The following UNKL variants were observed in gnomAD, a reference collection of about 807,000 sequenced individuals.
UNKL encodes the protein unk like zinc finger.
In UNKL, 60 loss-of-function variants were observed where a neutral mutation model predicts 78.0. The ratio of observed to expected loss-of-function variants is 0.77; its 90% confidence interval spans 0.63 to 0.95. UNKL has a LOEUF of 0.95. Ranked by LOEUF, UNKL falls within the 40% of genes least tolerant of loss-of-function variation. The pLI, the probability that UNKL is intolerant of heterozygous loss-of-function variation, is 0.00. For synonymous variants in UNKL, 608 were observed against 474.8 expected (o/e 1.28, Z -3.65); for missense variants, 1,159 against 1,045.7 (o/e 1.11, Z -1.49).
intron 10 of UNKL, among the ~76,000 whole-genome samples, chr16:1,380,520 T>C (rs997962438): frequency 4.6e-5 from 7 of 151,440 alleles, no homozygotes; most frequent in African/African-American, 1.7e-4. Context: ...GTCTCAGACA[T>C]GGACAGAGGA....
At chr16:1,368,251 G>T in intron 12 of UNKL, 1 of 244,480 alleles carries the variant, frequency 4.1e-6, no homozygotes, top group South Asian at 7.4e-5. Flanking sequence ...TGTCCATGTG[G>T]TGACTGCCAA....
At position 1,391,279 on chromosome 16, in the gene UNKL, C is replaced by T. The variant is rs1009448219; in HGVS notation, c.1024-585G>A. On this transcript the variant is annotated intron_variant, in intron 8 of 14. Transcript: ENST00000389221. The stretch of plus-strand genomic sequence containing the variant: ...ACACACACACACACACACACACACA[C>T]ACACATAAGCTCTGCTCAGAATTTA... Among the ~76,000 whole-genome samples, 4 of 118,684 alleles carry T rather than the reference C, an allele frequency of 3.4e-5. No homozygotes were observed. The East Asian group carries it at 8.2e-4, about 24-fold the overall frequency. 77.9% of individuals were successfully genotyped at this position (118,684 alleles called of 152,430 possible).
At chr16:1,394,447 C>T (rs937728276) in intron 6 of UNKL, 3 of 683,398 alleles carry the variant, frequency 4.4e-6, no homozygotes, top group Admixed American at 4.1e-5. Context: ...ATTCCCGCAG[C>T]ATCTGCCCTC....
intron 10 of UNKL, chr16:1,378,960 G>C (rs1252837115): frequency 6.6e-6 from 1 of 152,320 alleles, no homozygotes; most frequent in African/African-American, 2.4e-5. Context: ...CATTCTCAAA[G>C]AAAGAGCTGA....
chr16:1,369,290 G>A (rs1373339702), intron 12 of UNKL, among the ~76,000 whole-genome samples: 3 of 150,706 alleles, frequency 2.0e-5, no homozygotes, highest in Non-Finnish European at 3.0e-5. Flanking sequence ...GGATGGTCTC[G>A]ATATCCTGAC....
Position 1,363,307 on chromosome 16 carries a change from GTT to G in UNKL, c.*2931_*2932del. On this transcript the variant is annotated 3_prime_UTR_variant, in exon 15 of 15. Transcript: ENST00000389221. The stretch of plus-strand genomic sequence containing the variant: ...ATAGTGTAAAAAAATTTAAACAAGT[GTT>G]AACTTTAAACAGTTCGCTACAAGTA... 1.7e-6 allele frequency: 1 copy of G among 575,746 alleles called. No homozygotes were observed. Among genetic ancestry groups the G allele is most frequent in the South Asian group, 1.9e-5 (1 of 51,638 alleles). 35.7% of individuals were successfully genotyped at this position (575,746 alleles called of 1,614,324 possible).
intron 4 of UNKL, 45 bp downstream of exon 4, chr16:1,401,523 G>GGGGGGGC: frequency 3.4e-6 from 5 of 1,470,238 alleles, no homozygotes; most frequent in Non-Finnish European, 4.5e-6. Context: ...CTCGCGCTGT[G>GGGGGGGC]CCCGCCCCCC....
At chr16:1,414,142 G>A in intron 1 of UNKL, 87 bp from the exon 2 acceptor site, 1 of 1,355,486 alleles carries the variant, frequency 7.4e-7, no homozygotes, top group South Asian at 1.4e-5. Context: ...CCGGCCTCAG[G>A]AGCCTCAACC....
intron 10 of UNKL, chr16:1,383,502 G>A (rs907749796): frequency 2.0e-5 from 5 of 254,406 alleles, no homozygotes; most frequent in Non-Finnish European, 4.3e-5. Flanking sequence ...AGCTGCACCT[G>A]GCTTTCCTCG....
intron 9 of UNKL, 85 bp downstream of exon 9, chr16:1,390,547 A>T: frequency 7.0e-7 from 1 of 1,437,658 alleles, no homozygotes; most frequent in Non-Finnish European, 9.4e-7. Flanking sequence ...CCCTAACGCG[A>T]TGCCACGGGT....
chr16:1,398,679 G>GCTGGCC, intron 5 of UNKL: 3 of 1,356,204 alleles, frequency 2.2e-6, no homozygotes, highest in Non-Finnish European at 2.9e-6. Context: ...TGTGGGGTCT[G>GCTGGCC]CACCCCCCCA....
At chr16:1,377,010 T>A (rs2036284439) in intron 10 of UNKL, among the ~76,000 whole-genome samples, 1 of 151,892 alleles carries the variant, frequency 6.6e-6, no homozygotes, top group Admixed American at 6.6e-5. Flanking sequence ...TTCAGGTGCA[T>A]CTTCCCCCGC....
chr16:1,413,338 G>A (rs1285704309), intron 2 of UNKL, among the ~76,000 whole-genome samples: 2 of 151,648 alleles, frequency 1.3e-5, no homozygotes, highest in Non-Finnish European at 2.9e-5. Flanking sequence ...GGAGGCCGAG[G>A]TGGGTGGATC....
At chr16:1,407,550 G>C (rs2037822786) in intron 2 of UNKL, among the ~76,000 whole-genome samples, 2 of 151,922 alleles carry the variant, frequency 1.3e-5, no homozygotes, top group South Asian at 4.2e-4. Flanking sequence ...CAAAAATTCA[G>C]CTGGGCGTGG....
intron 9 of UNKL, among the ~76,000 whole-genome samples, chr16:1,389,325 C>T (rs1050553816): frequency 1.3e-5 from 2 of 152,164 alleles, no homozygotes; most frequent in African/African-American, 2.4e-5. Context: ...GAGGCTCACA[C>T]CTGTAATCCC....
chr16:1,379,532 C>G, intron 10 of UNKL: 2 of 985,140 alleles, frequency 2.0e-6, no homozygotes, highest in Non-Finnish European at 2.4e-6. Context: ...GGGGGACGCA[C>G]CTGGCGGGGG....
At chr16:1,405,571 C>T (rs563598664) in intron 2 of UNKL, among the ~76,000 whole-genome samples, 52 of 149,912 alleles carry the variant, frequency 3.5e-4, no homozygotes, top group Non-Finnish European at 6.1e-4. Flanking sequence ...GGCAAAACTC[C>T]ATCTCAAAAA....
At chr16:1,401,527 G>GGCCC in intron 4 of UNKL, 41 bp downstream of exon 4, 2 of 1,404,756 alleles carry the variant, frequency 1.4e-6, no homozygotes, top group Non-Finnish European at 1.9e-6. Flanking sequence ...CGCTGTGCCC[G>GGCCC]CCCCCCCCAC....
chr16:1,379,148 G>A (rs1432142718), intron 10 of UNKL: 1 of 152,286 alleles, frequency 6.6e-6, no homozygotes, highest in Admixed American at 6.5e-5. Context: ...CCCGGGGTCA[G>A]GGACACGCGA....
Sources: allele counts gnomAD v4.1 joint callset (sites outside exome capture counted in the v4.1 genomes callset), GRCh38; gene constraint gnomAD v4.1.1; transcripts MANE v1.5; gene names NCBI Gene and HGNC (gene_info 2026-07-23, HGNC 2026-07-21).